The following NBAS variants were observed in gnomAD, a reference collection of about 807,000 sequenced individuals.
NBAS encodes NBAS subunit of NRZ tethering complex.
Under a neutral mutation model 302.5 loss-of-function variants are expected in NBAS, and 219 were observed. The ratio of observed to expected loss-of-function variants is 0.72; its 90% CI spans 0.65 to 0.81. The LOEUF is 0.81. NBAS is among the 30% of genes least tolerant of loss of function. NBAS has a pLI of 0.00. For missense variants in NBAS, 2,932 were observed against 2,841.6 expected (o/e 1.03, Z -0.72); for synonymous variants, 1,118 against 1,021.6 (o/e 1.09, Z -1.80).
chr2:15,134,844 G>A, the NBAS span, among the ~76,000 whole-genome samples: 634 of 152,208 alleles, frequency 4.2e-3, 3 homozygotes, highest in African/African-American at 0.015. Flanking sequence ...CATGATACAC[G>A]CAGTAACAAG....
the NBAS span, among the ~76,000 whole-genome samples, chr2:15,160,595 G>A: frequency 3.7e-4 from 49 of 131,236 alleles, no homozygotes; most frequent in Non-Finnish European, 6.2e-4. Flanking sequence ...CGGGGGGAGG[G>A]GGGGGGGCAG....
chr2:14,890,941 T>C, the NBAS span: 1 of 152,312 alleles, frequency 6.6e-6, no homozygotes, highest in African/African-American at 2.4e-5. Flanking sequence ...TACCCATTGG[T>C]AAATAAAAAG....
chr2:15,107,225 TTC>T, the NBAS span, among the ~76,000 whole-genome samples: 2 of 151,308 alleles, frequency 1.3e-5, no homozygotes, highest in Admixed American at 6.6e-5. Flanking sequence ...AGGGAGAGAA[TTC>T]TCTCTCTCTC....
At chr2:15,228,678 T>C (rs1667246093) in intron 47 of NBAS, among the ~76,000 whole-genome samples, 1 of 152,204 alleles carries the variant, frequency 6.6e-6, no homozygotes, top group Admixed American at 6.5e-5. Context: ...TCATTTGCAG[T>C]AACATGGATG....
At chr2:14,892,023 A>G in the NBAS span, among the ~76,000 whole-genome samples, 1 of 152,172 alleles carries the variant, frequency 6.6e-6, no homozygotes. Flanking sequence ...ATAACATGCG[A>G]CTGACTTTTC....
intron 6 of NBAS, among the ~76,000 whole-genome samples, chr2:15,549,414 G>A (rs1394182602): frequency 6.6e-6 from 1 of 152,174 alleles, no homozygotes; most frequent in African/African-American, 2.4e-5. Context: ...GATGGTGGAA[G>A]TACACAAGTG....
the NBAS span, among the ~76,000 whole-genome samples, chr2:15,144,515 T>C: frequency 2.7e-3 from 410 of 152,338 alleles, 2 homozygotes; most frequent in African/African-American, 9.2e-3. Context: ...AGGCACTTTT[T>C]AGGTCCTTTG....
chr2:15,551,447 T>G (rs1664381332), intron 6 of NBAS, 46 bp downstream of exon 6: 3 of 1,285,204 alleles, frequency 2.3e-6, no homozygotes, highest in African/African-American at 1.5e-5. Flanking sequence ...TGGAAACCAT[T>G]GCGCATTTGA....
the NBAS span, among the ~76,000 whole-genome samples, chr2:14,976,686 C>G: frequency 1.3e-5 from 2 of 152,120 alleles, no homozygotes; most frequent in African/African-American, 4.8e-5. Flanking sequence ...AGTTTGGGAC[C>G]TCATGATCCT....
chr2:15,396,327 G>T, intron 27 of NBAS, 86 bp downstream of exon 27: 2 of 1,084,806 alleles, frequency 1.8e-6, no homozygotes, highest in Non-Finnish European at 2.7e-6. Context: ...TAGAAACGAT[G>T]ACTCACAGGC....
At chr2:15,313,202 CA>C (rs1474416770) in intron 38 of NBAS, among the ~76,000 whole-genome samples, 1 of 152,200 alleles carries the variant, frequency 6.6e-6, no homozygotes, top group African/African-American at 2.4e-5. Context: ...TCAACCAAAT[CA>C]GTCTGCTATC....
At chr2:15,030,452 AT>A in the NBAS span, among the ~76,000 whole-genome samples, 2 of 152,218 alleles carry the variant, frequency 1.3e-5, no homozygotes, top group African/African-American at 2.4e-5. Context: ...CATGCTCTTC[AT>A]ACTGATGAGT....
chr2:14,832,210 T>C, the NBAS span, among the ~76,000 whole-genome samples: 1 of 152,308 alleles, frequency 6.6e-6, no homozygotes, highest in South Asian at 2.1e-4. Flanking sequence ...CAGTCACCCA[T>C]TTAGAACTTA....
chr2:15,533,474 A>G (rs1663319352), intron 9 of NBAS, among the ~76,000 whole-genome samples: 1 of 152,224 alleles, frequency 6.6e-6, no homozygotes, highest in African/African-American at 2.4e-5. Flanking sequence ...AACGTGCACC[A>G]AAAAGGAAGT....
Position 15,282,359 on chromosome 2 carries a change from T to C in NBAS, c.5138+4714A>G, listed in dbSNP as rs528789292. 7.9e-5 allele frequency among the ~76,000 whole-genome samples: 12 copies of C among 152,276 alleles called. No individual in the cohort carries two copies. In the South Asian group the frequency reaches 8.3e-4, roughly 11 times the overall value. ...CCCGGACACAAACCTATGTGAACAA[T>C]AGTAACCTTCAGGCAGAAATTCTAT... On this transcript the variant is annotated intron_variant, in intron 42 of 51. Coordinates refer to ENST00000281513, the MANE Select transcript of NBAS (RefSeq NM_015909.4).
At chr2:14,876,573 G>A in the NBAS span, among the ~76,000 whole-genome samples, 1 of 152,188 alleles carries the variant, frequency 6.6e-6, no homozygotes. Context: ...TCATTCCTGT[G>A]TATACTTTGT....
intron 11 of NBAS, among the ~76,000 whole-genome samples, chr2:15,495,209 G>A (rs944578827): frequency 6.6e-6 from 1 of 152,064 alleles, no homozygotes; most frequent in Non-Finnish European, 1.5e-5. Flanking sequence ...AAAACTAACC[G>A]GCCTGCACCC....
At chr2:15,216,931 T>C (rs145831191) in intron 48 of NBAS, among the ~76,000 whole-genome samples, 185 of 152,324 alleles carry the variant, frequency 1.2e-3, no homozygotes, top group Non-Finnish European at 2.0e-3. Context: ...ATGAGGAAAG[T>C]ACATAACTGT....
chr2:15,182,841 G>T (rs1354964624), intron 50 of NBAS, among the ~76,000 whole-genome samples: 1 of 152,158 alleles, frequency 6.6e-6, no homozygotes, highest in East Asian at 1.9e-4. Flanking sequence ...CCATAAGTAA[G>T]CAAGTCCCAG....
Sources: gnomAD v4.1 joint callset for allele counts (sites outside exome capture counted in the v4.1 genomes callset) on GRCh38, gnomAD v4.1.1 for gene constraint, MANE v1.5 for transcripts, NCBI Gene and HGNC (gene_info 2026-07-23, HGNC 2026-07-21) for gene names.